The following ANO1 variants were observed in gnomAD, a reference collection of about 807,000 sequenced individuals.
The protein encoded by ANO1 is anoctamin-1.
ANO1 carries 59 observed loss-of-function variants against 124.0 expected under a neutral mutation model. That is an observed-to-expected ratio of 0.48 (90% CI 0.39 to 0.59). ANO1 has a LOEUF of 0.59. ANO1 is among the 20% of genes least tolerant of loss of function. ANO1 has a pLI of 0.00. For missense variants in ANO1, 1,059 were observed against 1,328.0 expected (o/e 0.80, Z 3.15); for synonymous variants, 529 against 532.0 (o/e 0.99, Z 0.08).
At chr11:70,158,027 A>G (rs899473770) in intron 16 of ANO1, among the ~76,000 whole-genome samples, 5 of 152,034 alleles carry the variant, frequency 3.3e-5, no homozygotes, top group African/African-American at 1.2e-4. Flanking sequence ...TTTTGTGACC[A>G]AAACATGACT....
intron 1 of ANO1, among the ~76,000 whole-genome samples, chr11:70,051,686 T>C (rs1555006279): frequency 6.6e-6 from 1 of 152,258 alleles, no homozygotes; most frequent in African/African-American, 2.4e-5. Context: ...ATATGGATCA[T>C]GTGAAGAGCC....
At chr11:70,025,106 G>A (rs1856868569) in intron 1 of ANO1, among the ~76,000 whole-genome samples, 1 of 152,212 alleles carries the variant, frequency 6.6e-6, no homozygotes, top group Admixed American at 6.5e-5. Flanking sequence ...GGCTGGAGCT[G>A]TGCCTCAGAA....
intron 2 of ANO1, among the ~76,000 whole-genome samples, chr11:70,101,387 C>G (rs1390406549): frequency 6.6e-6 from 1 of 151,846 alleles, no homozygotes; most frequent in African/African-American, 2.4e-5. Flanking sequence ...GAAACCCCGT[C>G]TCTACTAAAA....
chr11:70,184,402 CA>C (rs1456815240), intron 24 of ANO1, among the ~76,000 whole-genome samples: 2 of 152,128 alleles, frequency 1.3e-5, no homozygotes, highest in Admixed American at 1.3e-4. Context: ...CCTGAGGCTC[CA>C]ATCATATCCA....
At chr11:70,107,045 T>C (rs1270816433) in intron 5 of ANO1, among the ~76,000 whole-genome samples, 1 of 152,058 alleles carries the variant, frequency 6.6e-6, no homozygotes, top group Non-Finnish European at 1.5e-5. Flanking sequence ...GGATGAGGGC[T>C]GGTGGCAGTG....
rs1460218173 is a variant in ANO1, at chr11:70,010,171, G to GTA, written c.58+24006_58+24007insAT. On this transcript the variant is annotated intron_variant, in intron 1 of 27. Transcript: ENST00000531349. ...TGTGTGTGTGTGTGTGTGTGCGCGT[G>GTA]TGTGTGTGTATATATATATATATAT... Among the ~76,000 whole-genome samples the GTA allele has an allele frequency of 0.028, 1,391 of 50,050 alleles. 80 individuals carry two copies. In the East Asian group the frequency reaches 0.37, roughly 13 times the overall value. The allele number at this position is 50,050 out of a possible 152,430, so 32.8% of individuals were successfully genotyped here.
At chr11:70,062,278 T>A (rs1229395623) in intron 1 of ANO1, among the ~76,000 whole-genome samples, 3 of 152,068 alleles carry the variant, frequency 2.0e-5, no homozygotes, top group African/African-American at 7.2e-5. Context: ...GGTTTCGCTA[T>A]GTTGGCCAGG....
At position 70,165,575 on chromosome 11, in the gene ANO1, G is replaced by C; in HGVS notation, c.2051+5G>C. ...CCTGTTCGAGATCGGCATCCCGTGA[G>C]TGTGCTGCAGCGGGTTAGAGCGGCA... On this transcript the variant is annotated splice_donor_5th_base_variant and intron_variant, in intron 20 of 25. Transcript: ENST00000355303. 1.2e-6 allele frequency: 2 copies of C among 1,608,634 alleles called. No individual in the cohort carries two copies. Among genetic ancestry groups the C allele is most frequent in the Non-Finnish European group, 1.7e-6 (2 of 1,177,280 alleles).
chr11:69,971,433 G>T, the ANO1 span, among the ~76,000 whole-genome samples: 2 of 152,196 alleles, frequency 1.3e-5, no homozygotes, highest in Non-Finnish European at 2.9e-5. Context: ...GCAGCTGAAT[G>T]ATGGCTGGTG....
rs376371042 is a variant in ANO1, at chr11:70,171,007, G to A, written c.2318G>A (p.Arg773Gln). 5.6e-6 allele frequency: 9 copies of A among 1,612,436 alleles called. No homozygotes were observed. Among genetic ancestry groups the A allele is most frequent in the African/African-American group, 1.3e-5 (1 of 74,906 alleles). Residue 773 changes from arginine (R) to glutamine (Q), a missense_variant, in exon 22 of 26, where the codon CGA becomes CAA. By Grantham distance (43) the Arg-to-Gln change is conservative. Around this residue, in one of 2 missense-constraint regions of ANO1, gnomAD observed 809 missense variants for 1,094.9 expected, o/e 0.74. Coordinates refer to ENST00000355303, the MANE Select transcript of ANO1 (RefSeq NM_018043.7). ...GCCAAAAAGTTTGTCACTGAGCTCC[G>A]AAGGCCGGTAGCTGTCAGAGCCAAA... ...LDAKKFVTEL[R>Q]RPVAVRAKDI... is the part of the protein sequence containing the mutation.
chr11:70,132,483 G>A (rs915228838), intron 11 of ANO1, among the ~76,000 whole-genome samples: 15 of 152,268 alleles, frequency 9.9e-5, no homozygotes, highest in African/African-American at 3.1e-4. Flanking sequence ...CGGAGGCACC[G>A]TGTCTCACTA....
At chr11:70,049,559 T>C (rs371183897) in intron 1 of ANO1, among the ~76,000 whole-genome samples, 32 of 150,266 alleles carry the variant, frequency 2.1e-4, no homozygotes, top group African/African-American at 7.6e-4. Flanking sequence ...GGAGCTGTTA[T>C]GGGCAATGGG....
intron 22 of ANO1, among the ~76,000 whole-genome samples, chr11:70,177,668 C>T (rs1215403465): frequency 5.2e-5 from 7 of 133,638 alleles, no homozygotes; most frequent in Non-Finnish European, 9.2e-5. Flanking sequence ...GGCGCGATCT[C>T]GGCTCACTGC....
chr11:70,173,128 C>T (rs756681412), intron 22 of ANO1, among the ~76,000 whole-genome samples: 12 of 152,164 alleles, frequency 7.9e-5, no homozygotes, highest in South Asian at 2.1e-4. Context: ...GCTTCTCTTA[C>T]GCTTGGCTGT....
chr11:70,060,372 T>G (rs1857546428), intron 1 of ANO1, among the ~76,000 whole-genome samples: 1 of 152,170 alleles, frequency 6.6e-6, no homozygotes, highest in Non-Finnish European at 1.5e-5. Flanking sequence ...TTAGAAGAAC[T>G]GCCATCGATA....
At chr11:69,992,797 G>A (rs1565155743) in intron 1 of ANO1, among the ~76,000 whole-genome samples, 2 of 152,308 alleles carry the variant, frequency 1.3e-5, no homozygotes, top group African/African-American at 2.4e-5. Flanking sequence ...CCTCGTCAAC[G>A]TCTATCATGG....
intron 8 of ANO1, among the ~76,000 whole-genome samples, chr11:70,119,851 A>T (rs1414794538): frequency 6.6e-6 from 1 of 150,494 alleles, no homozygotes; most frequent in Admixed American, 6.6e-5. Flanking sequence ...TGATGGATAG[A>T]TGATGGAGGG....
chr11:70,074,441 T>C (rs2044030605), upstream of ANO1, among the ~76,000 whole-genome samples: 1 of 152,184 alleles, frequency 6.6e-6, no homozygotes, highest in Admixed American at 6.5e-5. Flanking sequence ...TCTCTAATTC[T>C]AGATTGTGTG....
chr11:70,009,921 C>G (rs902573985), intron 1 of ANO1, among the ~76,000 whole-genome samples: 4 of 151,930 alleles, frequency 2.6e-5, no homozygotes, highest in African/African-American at 7.3e-5. Context: ...ATCCCTCACC[C>G]TCCTCCCACC....
Sources: allele counts gnomAD v4.1 joint callset (sites outside exome capture counted in the v4.1 genomes callset), GRCh38; gene constraint gnomAD v4.1.1; regional missense constraint gnomAD v4.1.1; transcripts MANE v1.5; gene names NCBI Gene and HGNC (gene_info 2026-07-23, HGNC 2026-07-21).